The following TPH2 variants were observed in gnomAD, a reference collection of about 807,000 sequenced individuals.
TPH2 encodes the protein tryptophan 5-hydroxylase 2.
A neutral mutation model predicts 59.1 loss-of-function variants in TPH2; 27 were observed. That is an observed-to-expected ratio of 0.46 (90% CI 0.34 to 0.63). The LOEUF (loss-of-function observed/expected upper bound fraction) is 0.63. TPH2 is among the 30% of genes least tolerant of loss of function. TPH2 has a pLI of 0.01. For synonymous variants in TPH2, 220 were observed against 210.5 expected, an observed-to-expected ratio of 1.05 and a Z score of -0.39; for missense variants, 523 against 588.3, an observed-to-expected ratio of 0.89 and a Z score of 1.15.
intron 8 of TPH2, among the ~76,000 whole-genome samples, chr12:71,995,170 A>ATAGT (rs1376756839): frequency 6.6e-6 from 1 of 152,200 alleles, no homozygotes; most frequent in Non-Finnish European, 1.5e-5. Context: ...AATGGATGTT[A>ATAGT]TAGTATCTTC....
Position 71,978,847 on chromosome 12 carries a change from A to G in TPH2, c.806-105A>G, listed in dbSNP as rs41317130. 0.012 allele frequency: 17,857 copies of G among 1,439,634 alleles called. 1,832 individuals carry two copies. In the African/African-American group the frequency reaches 0.22, roughly 18 times the overall value. The allele number at this position is 1,439,634 out of a possible 1,614,324, so 89.2% of individuals were successfully genotyped here. On this transcript the variant is annotated intron_variant, in intron 6 of 10. Transcript: ENST00000333850. Reference sequence around the variant, plus strand: ...AGTTGTCAAGAGGTTTATGACCTTGATTACTTTGTTTCTGGATCTTCCTTA... The same window carrying G: ...AGTTGTCAAGAGGTTTATGACCTTGGTTACTTTGTTTCTGGATCTTCCTTA...
At chr12:71,947,625 C>T (rs184163696) in intron 4 of TPH2, among the ~76,000 whole-genome samples, 12 of 151,958 alleles carry the variant, frequency 7.9e-5, no homozygotes, top group South Asian at 4.2e-4. Flanking sequence ...GTGTTTTATC[C>T]GGTAACCCTA....
At position 71,944,607 on chromosome 12, in the gene TPH2, T is replaced by A; in HGVS notation, c.461T>A (p.Phe154Tyr). Residue 154 changes from phenylalanine to tyrosine, a missense_variant, in exon 4 of 11, where the codon TTC becomes TAC. By Grantham distance (22) the Phe-to-Tyr change is conservative. Coordinates refer to ENST00000333850, the MANE Select transcript of TPH2 (RefSeq NM_173353.4). ...EEEELEDVPW[F>Y]PRKISELDKC... ...ACAGAGCTAGAGGATGTGCCCTGGT[T>A]CCCTCGGAAGATCTCTGAGTTAGAC... The A allele has an allele frequency of 1.2e-6, 2 of 1,613,964 alleles. No homozygotes were observed. Among genetic ancestry groups the A allele is most frequent in the Non-Finnish European group, 1.7e-6 (2 of 1,179,854 alleles).
intron 8 of TPH2, among the ~76,000 whole-genome samples, chr12:72,010,971 A>G (rs1250704058): frequency 6.6e-6 from 1 of 152,230 alleles, no homozygotes; most frequent in African/African-American, 2.4e-5. Context: ...TGCCAAAGCT[A>G]TAGCATTTGC....
At chr12:72,005,733 C>T (rs147614719) in intron 8 of TPH2, among the ~76,000 whole-genome samples, 128 of 152,310 alleles carry the variant, frequency 8.4e-4, no homozygotes, top group Admixed American at 1.5e-3. Flanking sequence ...AGAACATTAG[C>T]TGTGGCTGAT....
intron 2 of TPH2, among the ~76,000 whole-genome samples, chr12:71,943,929 T>C (rs1040811957): frequency 6.6e-6 from 1 of 152,148 alleles, no homozygotes; most frequent in Non-Finnish European, 1.5e-5. Context: ...AACACATAAA[T>C]CTGGATATTA....
At chr12:71,995,937 T>C (rs1041591541) in intron 8 of TPH2, among the ~76,000 whole-genome samples, 1 of 152,210 alleles carries the variant, frequency 6.6e-6, no homozygotes, top group African/African-American at 2.4e-5. Flanking sequence ...GGTATAAGGA[T>C]TGTGTCTCAT....
intron 8 of TPH2, among the ~76,000 whole-genome samples, chr12:71,994,926 A>G (rs1005709852): frequency 6.6e-6 from 1 of 152,114 alleles, no homozygotes; most frequent in Non-Finnish European, 1.5e-5. Flanking sequence ...GTCCCAATAA[A>G]ACTTTATTTA....
chr12:72,020,832 A>C (rs986516442), intron 8 of TPH2, among the ~76,000 whole-genome samples: 1 of 152,058 alleles, frequency 6.6e-6, no homozygotes, highest in Admixed American at 6.6e-5. Flanking sequence ...CAGGAAAAAA[A>C]ATTTTACTTC....
chr12:71,971,172 C>A (rs912492191), intron 5 of TPH2, among the ~76,000 whole-genome samples: 3 of 152,190 alleles, frequency 2.0e-5, no homozygotes, highest in African/African-American at 7.2e-5. Context: ...CCTCTCACTG[C>A]AGCAACCCTG....
At chr12:71,982,080 G>A (rs1047755428) in intron 7 of TPH2, among the ~76,000 whole-genome samples, 11 of 135,060 alleles carry the variant, frequency 8.1e-5, no homozygotes, top group Non-Finnish European at 1.7e-4. Context: ...CTCAGCTCAC[G>A]GCAACCTCTG....
intron 6 of TPH2, among the ~76,000 whole-genome samples, chr12:71,973,445 G>A (rs1438329132): frequency 1.3e-5 from 2 of 152,162 alleles, no homozygotes; most frequent in Admixed American, 1.3e-4. Flanking sequence ...CACCAGTGCC[G>A]TGACAGTTTA....
At chr12:71,993,339 CA>C (rs1872622205) in intron 7 of TPH2, among the ~76,000 whole-genome samples, 1 of 152,200 alleles carries the variant, frequency 6.6e-6, no homozygotes. Flanking sequence ...CAGAGGAGTA[CA>C]AGTGAAATCA....
Position 71,978,967 on chromosome 12 carries a change from C to T in TPH2, c.821C>T (p.Thr274Met), listed in dbSNP as rs753521841. The T allele has an allele frequency of 2.2e-5, 35 of 1,613,976 alleles. No individual in the cohort carries two copies. Among genetic ancestry groups the T allele is most frequent in the East Asian group, 6.7e-5 (3 of 44,880 alleles). ...GCCTTTTTAGAAAGGTCTGGCTTCACGGTGAGGCCGGTGGCTGGATACCTG... is the reference window on the plus strand; with the variant it reads ...GCCTTTTTAGAAAGGTCTGGCTTCATGGTGAGGCCGGTGGCTGGATACCTG... ...SMFLKERSGF[T>M]VRPVAGYLSP... The change falls in exon 7 of 11, where the codon ACG (threonine) becomes ATG (methionine). Residue 274 changes from threonine to methionine, a missense_variant. By Grantham distance (81) the Thr-to-Met change is moderately conservative. Transcript: ENST00000333850.
At chr12:71,959,130 C>A (rs1352817883) in intron 5 of TPH2, among the ~76,000 whole-genome samples, 1 of 151,256 alleles carries the variant, frequency 6.6e-6, no homozygotes, top group Non-Finnish European at 1.5e-5. Flanking sequence ...AAAACAAAAC[C>A]CTCTGGGACT....
At chr12:71,946,426 A>G (rs1871199666) in intron 4 of TPH2, among the ~76,000 whole-genome samples, 1 of 152,164 alleles carries the variant, frequency 6.6e-6, no homozygotes, top group South Asian at 2.1e-4. Context: ...GAAAAAATTT[A>G]TTCCAATACC....
intron 5 of TPH2, chr12:71,961,747 G>A (rs190765296): frequency 2.2e-6 from 3 of 1,334,756 alleles, no homozygotes; most frequent in African/African-American, 3.0e-5. Flanking sequence ...AATATGAAGA[G>A]GACTTTCTGC....
chr12:72,030,044 T>A (rs1873679920), intron 9 of TPH2, among the ~76,000 whole-genome samples: 1 of 152,084 alleles, frequency 6.6e-6, no homozygotes. Flanking sequence ...CGCCTAAAAC[T>A]CTCATTTACA....
rs573818722 is a variant in TPH2 at position 71,996,493 on chromosome 12, C to T, written c.1068+1928C>T. 1.4e-4 allele frequency among the ~76,000 whole-genome samples: 22 copies of T among 152,288 alleles called. No homozygotes were observed. In the East Asian group the frequency reaches 1.7e-3, roughly 12 times the overall value. On this transcript the variant is annotated intron_variant, in intron 8 of 10. Transcript: ENST00000333850. ...GAAACCTTGGTTCTGGTTTTAAATG[C>T]CTTGTTTTGGAACCTTTTCTGTGCA...
Sources: gnomAD v4.1 joint callset for allele counts (sites outside exome capture counted in the v4.1 genomes callset) on GRCh38, gnomAD v4.1.1 for gene constraint, MANE v1.5 for transcripts, NCBI Gene and HGNC (gene_info 2026-07-23, HGNC 2026-07-21) for gene names.